The following PAPSS2 variants were observed in gnomAD, a reference collection of about 807,000 sequenced individuals.
PAPSS2 encodes bifunctional 3'-phosphoadenosine 5'-phosphosulfate synthase 2.
PAPSS2 carries 61 observed loss-of-function variants against 66.5 expected under a neutral mutation model. That is an observed-to-expected ratio of 0.92 (90% CI 0.75 to 1.14). The LOEUF (loss-of-function observed/expected upper bound fraction) is 1.14. Ranked by LOEUF, PAPSS2 falls within the 50% of genes most tolerant of loss-of-function variation. PAPSS2 has a pLI of 0.00. For synonymous variants in PAPSS2, 289 were observed against 287.5 expected (o/e 1.01, Z -0.05); for missense variants, 708 against 789.6 (o/e 0.90, Z 1.24).
rs1853959286 is a variant in PAPSS2, at chr10:87,747,552, TGA to T, written c.*1585_*1586del. ...AAAACCAGCATATTTATTGAAAACA[TGA>T]GACAGGATTATAGTGCCTTAACCGA... On this transcript the variant is annotated 3_prime_UTR_variant, in exon 13 of 13. Coordinates refer to ENST00000456849, the MANE Select transcript of PAPSS2 (RefSeq NM_001015880.2). 2 of 152,500 alleles carry T rather than the reference TGA, an allele frequency of 1.3e-5. No individual in the cohort carries two copies. The highest frequency in any genetic ancestry group is 4.8e-5 in the African/African-American group (2 of 41,426). The allele number at this position is 152,500 out of a possible 1,614,324, so 9.4% of individuals were successfully genotyped here.
intron 1 of PAPSS2, among the ~76,000 whole-genome samples, chr10:87,670,663 C>A (rs1330233460): frequency 1.3e-5 from 2 of 151,972 alleles, no homozygotes; most frequent in African/African-American, 4.8e-5. Flanking sequence ...AAGTCTTTTA[C>A]TGGAGAGGAG....
chr10:87,708,676 T>C (rs1853424461), intron 1 of PAPSS2, among the ~76,000 whole-genome samples: 1 of 152,208 alleles, frequency 6.6e-6, no homozygotes, highest in Non-Finnish European at 1.5e-5. Flanking sequence ...AATTTTCCAG[T>C]TTGAATTATA....
intron 8 of PAPSS2, 41 bp from the exon 9 acceptor site, chr10:87,727,243 C>T (rs2131720549): frequency 6.5e-7 from 1 of 1,537,654 alleles, no homozygotes; most frequent in East Asian, 2.2e-5. Context: ...GATGGCACAC[C>T]TTATATCTAG....
At chr10:87,688,692 C>T (rs2131910908) in intron 1 of PAPSS2, among the ~76,000 whole-genome samples, 1 of 152,114 alleles carries the variant, frequency 6.6e-6, no homozygotes, top group Middle Eastern at 3.4e-3. Flanking sequence ...CTCCTGACCT[C>T]ATGATCCTCC....
At chr10:87,688,796 C>G (rs1356494305) in intron 1 of PAPSS2, among the ~76,000 whole-genome samples, 1 of 152,028 alleles carries the variant, frequency 6.6e-6, no homozygotes, top group Non-Finnish European at 1.5e-5. Context: ...CCCAAACAGT[C>G]CTTCTTATTC....
chr10:87,732,996 G>A (rs12267955), intron 9 of PAPSS2, among the ~76,000 whole-genome samples: 2,866 of 152,258 alleles, frequency 0.019, 91 homozygotes, highest in African/African-American at 0.064. Context: ...GAAGATTGTC[G>A]CATGTACCAA....
intron 1 of PAPSS2, chr10:87,703,723 G>A (rs7923162): frequency 0.2 from 101,603 of 518,546 alleles, 11,496 homozygotes; most frequent in African/African-American, 0.39. Flanking sequence ...CTACTCCGAT[G>A]CATGCTACAG....
intron 1 of PAPSS2, among the ~76,000 whole-genome samples, chr10:87,686,564 C>T (rs980817910): frequency 1.8e-4 from 27 of 152,170 alleles, no homozygotes; most frequent in African/African-American, 6.5e-4. Context: ...CACCTCATAA[C>T]TAATGTCAAG....
intron 1 of PAPSS2, among the ~76,000 whole-genome samples, chr10:87,698,132 G>A (rs1853258458): frequency 6.6e-6 from 1 of 152,104 alleles, no homozygotes; most frequent in South Asian, 2.1e-4. Context: ...TTGTTGCAAT[G>A]TTTTCATACT....
At chr10:87,718,925 A>G (rs1477022330) in intron 7 of PAPSS2, among the ~76,000 whole-genome samples, 1 of 152,100 alleles carries the variant, frequency 6.6e-6, no homozygotes, top group Non-Finnish European at 1.5e-5. Flanking sequence ...TGCTATTTCC[A>G]TATCCTTTCC....
chr10:87,664,132 G>T (rs1852787289), intron 1 of PAPSS2, among the ~76,000 whole-genome samples: 1 of 152,064 alleles, frequency 6.6e-6, no homozygotes, highest in African/African-American at 2.4e-5. Flanking sequence ...CTGTTGCTCT[G>T]GCCAGTCTTG....
intron 9 of PAPSS2, among the ~76,000 whole-genome samples, chr10:87,730,900 A>G (rs772713997): frequency 6.6e-6 from 1 of 152,268 alleles, no homozygotes; most frequent in Non-Finnish European, 1.5e-5. Flanking sequence ...TCTCCATAAC[A>G]TAAAAGTACA....
At position 87,714,848 on chromosome 10, in the gene PAPSS2, A is replaced by G; in HGVS notation, c.624A>G (p.Glu208=). Residue 208 remains glutamate (E), a synonymous_variant, in exon 5 of 13, where the codon GAA becomes GAG. Transcript: ENST00000456849. ...TVSDCVHQVV[E]LLQEQNIVPY... ...GTGACTGTGTCCACCAGGTAGTGGA[A>G]CTTCTGCAAGAGCAGGTAGGTGAAC... 1.2e-6 allele frequency: 2 copies of G among 1,606,704 alleles called. No homozygotes were observed. The highest frequency in any genetic ancestry group is 8.5e-7 in the Non-Finnish European group (1 of 1,173,236).
intron 1 of PAPSS2, among the ~76,000 whole-genome samples, chr10:87,703,227 C>T (rs1309042963): frequency 1.5e-5 from 2 of 129,374 alleles, no homozygotes; most frequent in African/African-American, 6.6e-5. Flanking sequence ...GTGTAGGGTA[C>T]GTCCCAGCCG....
intron 1 of PAPSS2, among the ~76,000 whole-genome samples, chr10:87,661,650 G>A (rs1268957541): frequency 6.6e-6 from 1 of 152,168 alleles, no homozygotes; most frequent in African/African-American, 2.4e-5. Flanking sequence ...GAAGAGGAGG[G>A]TTTGAGAACA....
chr10:87,732,507 G>A (rs1354209343), intron 9 of PAPSS2, among the ~76,000 whole-genome samples: 3 of 151,380 alleles, frequency 2.0e-5, no homozygotes, highest in African/African-American at 7.3e-5. Context: ...TGGGCTATAG[G>A]AGTGAGACCC....
At position 87,709,326 on chromosome 10, in the gene PAPSS2, C is replaced by CAT. The variant is rs72025574; in HGVS notation, c.145+31_145+32dup. On this transcript the variant is annotated intron_variant, in intron 2 of 12. Transcript: ENST00000456849. ...GTGTGGCTAACAGGTATGTCATGTT[C>CAT]ATATATATATATATATATACAAATT... 15,212 of 1,136,820 alleles carry CAT rather than the reference C, an allele frequency of 0.013. 11 individuals carry two copies. The highest frequency in any genetic ancestry group is 0.017 in the African/African-American group (1,081 of 64,444). The allele number at this position is 1,136,820 out of a possible 1,614,324, so 70.4% of individuals were successfully genotyped here. A position where few individuals can be genotyped will look rare whatever the true frequency, so the allele number is the denominator to read the frequency against.
rs985738480 is a variant in PAPSS2, at chr10:87,727,366, T to C, written c.963T>C (p.Phe321=). The C allele has an allele frequency of 3.1e-6, 5 of 1,614,126 alleles. No individual in the cohort carries two copies. The Admixed American group carries it at 6.7e-5, about 22-fold the overall frequency. The change falls in exon 9 of 13, where the codon TTT becomes TTC. Residue 321 remains phenylalanine (F), a synonymous_variant. Coordinates refer to ENST00000456849, the MANE Select transcript of PAPSS2 (RefSeq NM_001015880.2). ...CACGGCTGGAAGGGTGCAGCAAGTT[T>C]GTCCTGGCACATGGTGGACGGAGGG... ...DKTRLEGCSK[F]VLAHGGRRVA...
chr10:87,700,892 G>A lies in PAPSS2; in HGVS notation c.28-8304G>A, dbSNP rs191219321. Among the ~76,000 whole-genome samples, 56 of 151,760 alleles carry A rather than the reference G, an allele frequency of 3.7e-4. No individual in the cohort carries two copies. In the East Asian group the frequency reaches 9.1e-3, roughly 25 times the overall value. On this transcript the variant is annotated intron_variant, in intron 1 of 12. Transcript: ENST00000456849. ...GTAATGATGGAAAAGAAATAAAATC[G>A]ATCCATGTAAGCACATAATAAATTA... is the stretch of plus-strand genomic sequence containing the variant.
Sources: allele counts gnomAD v4.1 joint callset (sites outside exome capture counted in the v4.1 genomes callset), GRCh38; gene constraint gnomAD v4.1.1; transcripts MANE v1.5; gene names NCBI Gene and HGNC (gene_info 2026-07-23, HGNC 2026-07-21).